Variants in CPNE8 observed in about 807,000 individuals in gnomAD.
CPNE8 encodes the protein copine-8.
A neutral mutation model predicts 81.5 loss-of-function variants in CPNE8; 45 were observed. The ratio of observed to expected loss-of-function variants is 0.55; its 90% confidence interval spans 0.44 to 0.71. The LOEUF is 0.71. Ranked by LOEUF, CPNE8 falls within the 30% of genes least tolerant of loss-of-function variation. The probability of loss-of-function intolerance (pLI) is 0.00; values close to 1 mark genes in which losing one functional copy is unlikely to be tolerated. For synonymous variants in CPNE8, 252 were observed against 226.3 expected (o/e 1.11, Z -1.02); for missense variants, 594 against 672.1 (o/e 0.88, Z 1.28).
intron 6 of CPNE8, among the ~76,000 whole-genome samples, chr12:38,822,034 G>A (rs1171349391): frequency 1.3e-5 from 2 of 152,194 alleles, no homozygotes; most frequent in African/African-American, 4.8e-5. Context: ...GGCTGGTGAA[G>A]TATCTAATAT....
intron 6 of CPNE8, among the ~76,000 whole-genome samples, chr12:38,796,981 G>A (rs970724349): frequency 2.6e-5 from 4 of 152,206 alleles, no homozygotes; most frequent in African/African-American, 7.2e-5. Context: ...CAAGGCGGCA[G>A]CAAGGCTGGG....
chr12:38,858,356 C>G (rs1295897692), intron 3 of CPNE8, among the ~76,000 whole-genome samples: 2 of 152,176 alleles, frequency 1.3e-5, no homozygotes, highest in African/African-American at 4.8e-5. Context: ...CAAGGGCAAG[C>G]TGGTGGTGTT....
At chr12:38,775,725 A>G (rs565215518) in intron 7 of CPNE8, among the ~76,000 whole-genome samples, 1 of 152,316 alleles carries the variant, frequency 6.6e-6, no homozygotes, top group South Asian at 2.1e-4. Flanking sequence ...CTGTAGTCAT[A>G]CTGCTAGCTG....
chr12:38,679,297 G>T lies in CPNE8; in HGVS notation c.1272-1743C>A, dbSNP rs1939359792. Among the ~76,000 whole-genome samples, 3 of 151,720 alleles carry T rather than the reference G, an allele frequency of 2.0e-5. No homozygotes were observed. In the Middle Eastern group the frequency reaches 0.01, roughly 516 times the overall value. On this transcript the variant is annotated intron_variant, in intron 16 of 19. Transcript: ENST00000331366. ...TCCAGTGGCTTAACTGATTTTCTTT[G>T]GATATACCAGAATGTATACCTAAGA...
chr12:38,699,577 C>T (rs1470988156), intron 14 of CPNE8, among the ~76,000 whole-genome samples: 1 of 151,688 alleles, frequency 6.6e-6, no homozygotes, highest in South Asian at 2.1e-4. Flanking sequence ...TTCCTTCTTT[C>T]CTTCCTTCCT....
At chr12:38,783,415 C>T (rs1942098235) in intron 6 of CPNE8, among the ~76,000 whole-genome samples, 1 of 152,164 alleles carries the variant, frequency 6.6e-6, no homozygotes, top group Non-Finnish European at 1.5e-5. Context: ...TCACCCCTCC[C>T]TAATCCCCTT....
intron 10 of CPNE8, among the ~76,000 whole-genome samples, chr12:38,760,634 T>C (rs1488036697): frequency 6.6e-6 from 1 of 152,012 alleles, no homozygotes; most frequent in Non-Finnish European, 1.5e-5. Flanking sequence ...AAATCTTTAC[T>C]AAGTTACTGG....
At chr12:38,862,662 A>G (rs1295545658) in intron 3 of CPNE8, among the ~76,000 whole-genome samples, 3 of 152,204 alleles carry the variant, frequency 2.0e-5, no homozygotes, top group Non-Finnish European at 4.4e-5. Flanking sequence ...AACTTAGAAG[A>G]GAAAGGCTGG....
intron 6 of CPNE8, among the ~76,000 whole-genome samples, chr12:38,792,297 G>GTTT (rs34511928): frequency 2.7e-5 from 4 of 145,950 alleles, no homozygotes; most frequent in Admixed American, 1.4e-4. Flanking sequence ...GAAACTAAGA[G>GTTT]TTTTTTTTTT....
chr12:38,660,865 C>T (rs530014837), intron 19 of CPNE8, among the ~76,000 whole-genome samples: 1 of 152,318 alleles, frequency 6.6e-6, no homozygotes, highest in South Asian at 2.1e-4. Flanking sequence ...AAATGCTAAT[C>T]ATCACTGGTC....
intron 6 of CPNE8, among the ~76,000 whole-genome samples, chr12:38,778,224 C>T (rs1941975313): frequency 6.6e-6 from 1 of 152,146 alleles, no homozygotes; most frequent in Non-Finnish European, 1.5e-5. Flanking sequence ...AAAACCGCTC[C>T]TTGGTACCAA....
At chr12:38,780,779 A>C (rs556512414) in intron 6 of CPNE8, among the ~76,000 whole-genome samples, 1 of 152,084 alleles carries the variant, frequency 6.6e-6, no homozygotes, top group South Asian at 2.1e-4. Context: ...ACAAGCATAA[A>C]CTATAGATAC....
In CPNE8 at chr12:38,802,562, A is replaced by C. The variant is rs535525687; in HGVS notation, c.408-26261T>G. On this transcript the variant is annotated intron_variant, in intron 6 of 19. Coordinates refer to ENST00000331366, the MANE Select transcript of CPNE8 (RefSeq NM_153634.3). Reference sequence around the variant, plus strand: ...ACGCCTACAAGAGAAAGCAGGAAAGATCCAAAATTGACACCCTAACATCAC... The same window carrying C: ...ACGCCTACAAGAGAAAGCAGGAAAGCTCCAAAATTGACACCCTAACATCAC... Among the ~76,000 whole-genome samples the C allele has an allele frequency of 1.5e-3, 175 of 115,758 alleles. 2 individuals carry two copies. Among genetic ancestry groups the C allele is most frequent in the Non-Finnish European group, 2.4e-3 (134 of 55,154 alleles). 75.9% of individuals were successfully genotyped at this position (115,758 alleles called of 152,430 possible).
chr12:38,711,787 G>A (rs1019095850), intron 13 of CPNE8, among the ~76,000 whole-genome samples: 6 of 152,050 alleles, frequency 3.9e-5, no homozygotes, highest in Admixed American at 6.6e-5. Flanking sequence ...CATTTTAAAC[G>A]TACAAAAATG....
intron 5 of CPNE8, among the ~76,000 whole-genome samples, chr12:38,839,461 C>T (rs1379048628): frequency 6.6e-6 from 1 of 151,930 alleles, no homozygotes; most frequent in Admixed American, 6.6e-5. Flanking sequence ...ATTATGCCCT[C>T]TGAAACTAGC....
At chr12:38,741,319 G>A (rs564703885) in intron 10 of CPNE8, among the ~76,000 whole-genome samples, 3 of 152,196 alleles carry the variant, frequency 2.0e-5, no homozygotes, top group Admixed American at 2.0e-4. Context: ...GCATGGTATT[G>A]GTACCAAAAC....
chr12:38,900,872 A>G (rs1166769571), intron 1 of CPNE8, among the ~76,000 whole-genome samples: 2 of 152,168 alleles, frequency 1.3e-5, no homozygotes, highest in African/African-American at 4.8e-5. Flanking sequence ...GCCTAGCACC[A>G]CGTAGGCACT....
chr12:38,898,828 C>T (rs535542111), intron 1 of CPNE8, among the ~76,000 whole-genome samples: 103 of 152,322 alleles, frequency 6.8e-4, no homozygotes, highest in Admixed American at 2.0e-3. Flanking sequence ...TGGAATCTAA[C>T]TTTGCTTTCG....
Position 38,748,603 on chromosome 12 carries a change from C to A in CPNE8, c.722+12244G>T, listed in dbSNP as rs868299915. The stretch of plus-strand genomic sequence containing the variant: ...GCAAGCTCTGCCTCCCTGGTTCATG[C>A]CATTCTCCTGCCTCAGCCTCCCAAG... On this transcript the variant is annotated intron_variant, in intron 10 of 19. Transcript: ENST00000331366. Among the ~76,000 whole-genome samples the A allele has an allele frequency of 3.9e-5, 6 of 152,100 alleles. No homozygotes were observed. The South Asian group carries it at 1.2e-3, about 32-fold the overall frequency.
Sources: gnomAD v4.1 joint callset for allele counts (sites outside exome capture counted in the v4.1 genomes callset) on GRCh38, gnomAD v4.1.1 for gene constraint, MANE v1.5 for transcripts, NCBI Gene and HGNC (gene_info 2026-07-23, HGNC 2026-07-21) for gene names.